CHD6: variants seen among roughly 807,000 people sequenced by gnomAD.
CHD6 encodes ATP-dependent chromatin remodeler CHD6.
CHD6 carries 50 observed loss-of-function variants against 276.9 expected under a neutral mutation model. The observed-to-expected ratio is 0.18, with a 90% CI of 0.14 to 0.23. The LOEUF is 0.23. Ranked by LOEUF, CHD6 falls within the 10% of genes least tolerant of loss-of-function variation. The pLI, the probability that CHD6 is intolerant of heterozygous loss-of-function variation, is 1.00. For missense variants in CHD6, 2,564 were observed against 3,365.8 expected (o/e 0.76, Z 5.89); for synonymous variants, 1,173 against 1,229.3 (o/e 0.95, Z 0.96).
chr20:41,466,748 C>T (rs2042929185), intron 17 of CHD6, among the ~76,000 whole-genome samples: 1 of 152,188 alleles, frequency 6.6e-6, no homozygotes, highest in Admixed American at 6.5e-5. Flanking sequence ...GCAGACACTG[C>T]TAATGGCCTT....
chr20:41,571,119 T>C lies in CHD6; in HGVS notation c.-23-19759A>G, dbSNP rs376675517. ...TACAGTGGGATTCCAAATCTCTTAG[T>C]GAAGAAAAAGAAGGTCTGGTGATTT... On this transcript the variant is annotated intron_variant, in intron 1 of 36. Transcript: ENST00000373233. Among the ~76,000 whole-genome samples, 4 of 152,058 alleles carry C rather than the reference T, an allele frequency of 2.6e-5. No individual in the cohort carries two copies. The East Asian group carries it at 5.8e-4, about 22-fold the overall frequency.
chr20:41,562,579 C>A (rs972277372), intron 1 of CHD6, among the ~76,000 whole-genome samples: 2 of 151,384 alleles, frequency 1.3e-5, no homozygotes, highest in African/African-American at 4.9e-5. Flanking sequence ...AGATCAACTT[C>A]GGTGAAAAAT....
chr20:41,435,634 G>C (rs1387019251), intron 27 of CHD6, among the ~76,000 whole-genome samples: 6 of 149,896 alleles, frequency 4.0e-5, no homozygotes, highest in Non-Finnish European at 7.4e-5. Context: ...TAAATGCAGA[G>C]GTATATACAG....
chr20:41,610,760 AAAATAAATAAATAAAT>A lies in CHD6; in HGVS notation c.-24+7564_-24+7579del, dbSNP rs5841413. Among the ~76,000 whole-genome samples, 234 of 147,328 alleles carry A rather than the reference AAAATAAATAAATAAAT, an allele frequency of 1.6e-3. 1 individual carries two copies. The highest frequency in any genetic ancestry group is 8.2e-4 in the Non-Finnish European group (55 of 66,786). ...GTGACAGAGTGAGACTCCGTCTCAA[AAAATAAATAAATAAAT>A]AAATAAATAAATAAATAAATAAAGT... On this transcript the variant is annotated intron_variant, in intron 1 of 36. Coordinates refer to ENST00000373233, the MANE Select transcript of CHD6 (RefSeq NM_032221.5).
chr20:41,520,105 T>C (rs2044352100), intron 3 of CHD6, among the ~76,000 whole-genome samples: 1 of 152,054 alleles, frequency 6.6e-6, no homozygotes, highest in African/African-American at 2.4e-5. Flanking sequence ...GAAACGCAAA[T>C]CAAAACCACA....
intron 27 of CHD6, among the ~76,000 whole-genome samples, chr20:41,435,098 CTAAATAA>C: frequency 6.6e-6 from 1 of 151,886 alleles, no homozygotes; most frequent in East Asian, 1.9e-4. Flanking sequence ...CACTTGGACA[CTAAATAA>C]TAAACACCTA....
chr20:41,484,698 T>G, intron 14 of CHD6, 91 bp from the exon 15 acceptor site: 2 of 1,364,640 alleles, frequency 1.5e-6, no homozygotes, highest in Non-Finnish European at 2.1e-6. Flanking sequence ...TTCTTGAACA[T>G]TTACCCATAG....
intron 3 of CHD6, among the ~76,000 whole-genome samples, chr20:41,528,427 A>C (rs915781511): frequency 6.6e-6 from 1 of 152,244 alleles, no homozygotes; most frequent in East Asian, 1.9e-4. Context: ...ATAAGGCACT[A>C]TAATTTTAAA....
intron 31 of CHD6, 53 bp from the exon 32 acceptor site, chr20:41,417,402 T>C: frequency 1.3e-6 from 2 of 1,493,156 alleles, no homozygotes; most frequent in East Asian, 2.3e-5. Flanking sequence ...AGTGAGATAC[T>C]AGTGATCTGA....
chr20:41,429,365 T>A (rs1165762341), intron 27 of CHD6, among the ~76,000 whole-genome samples: 1 of 152,348 alleles, frequency 6.6e-6, no homozygotes. Context: ...ACATCTGTAA[T>A]GATTTGCCAA....
At chr20:41,440,772 T>C (rs976414777) in intron 25 of CHD6, among the ~76,000 whole-genome samples, 3 of 152,208 alleles carry the variant, frequency 2.0e-5, no homozygotes, top group Admixed American at 2.0e-4. Context: ...ATAAAGTCCA[T>C]GTGTGAGGAT....
rs150707813 is a variant in CHD6 at position 41,433,484 on chromosome 20, AC to A, written c.4068+3789del. Among the ~76,000 whole-genome samples the A allele has an allele frequency of 1.4e-4, 21 of 152,220 alleles. No individual in the cohort carries two copies. In the East Asian group the frequency reaches 3.9e-3, roughly 28 times the overall value. ...AAGAGCTGAAAGAAAAAAACTATCA[AC>A]CCAGAATCCTCCATTTGGTGAAAAT... On this transcript the variant is annotated intron_variant, in intron 27 of 36. Transcript: ENST00000373233.
intron 5 of CHD6, among the ~76,000 whole-genome samples, chr20:41,511,239 T>TA (rs1178645875): frequency 1.8e-4 from 28 of 152,360 alleles, no homozygotes; most frequent in African/African-American, 6.5e-4. Context: ...GAACGACAGA[T>TA]ATTTGTGCTG....
rs751924324 is a variant in CHD6 at position 41,426,162 on chromosome 20, A to G, written c.4069-9T>C. The G allele has an allele frequency of 1.9e-6, 3 of 1,608,030 alleles. No homozygotes were observed. The highest frequency in any genetic ancestry group is 2.6e-6 in the Non-Finnish European group (3 of 1,174,392). On this transcript the variant is annotated splice_polypyrimidine_tract_variant and intron_variant, in intron 27 of 36. Transcript: ENST00000373233. ...CCATCACTGGAACTCTCCTAGGGAT[A>G]AATAAAGCCATCCCATCAGCAAAAC...
At chr20:41,451,160 C>T (rs376835856) in intron 22 of CHD6, 55 bp from the exon 23 acceptor site, 104 of 1,518,466 alleles carry the variant, frequency 6.8e-5, no homozygotes, top group Middle Eastern at 6.8e-4. Context: ...GTGTTACACA[C>T]GGGTTTTAGA....
intron 1 of CHD6, among the ~76,000 whole-genome samples, chr20:41,597,473 C>T (rs1207092531): frequency 6.6e-6 from 1 of 152,128 alleles, no homozygotes; most frequent in Non-Finnish European, 1.5e-5. Context: ...CTTGAATTCG[C>T]AGTTCACCAA....
chr20:41,608,710 T>C (rs2045854724), intron 1 of CHD6, among the ~76,000 whole-genome samples: 1 of 152,178 alleles, frequency 6.6e-6, no homozygotes, highest in Non-Finnish European at 1.5e-5. Context: ...AGAAGTACCT[T>C]CTAACTCTAC....
chr20:41,408,046 G>A (rs2046731468), intron 36 of CHD6, among the ~76,000 whole-genome samples: 1 of 151,538 alleles, frequency 6.6e-6, no homozygotes, highest in Non-Finnish European at 1.5e-5. Flanking sequence ...CTGTCCTTCA[G>A]TTTCCCAAGA....
At chr20:41,503,978 T>C (rs2043905364) in intron 5 of CHD6, among the ~76,000 whole-genome samples, 1 of 142,176 alleles carries the variant, frequency 7.0e-6, no homozygotes, top group African/African-American at 2.7e-5. Flanking sequence ...CTTGGGAGGC[T>C]GAGGAAAGAG....
Sources: gnomAD v4.1 joint callset for allele counts (sites outside exome capture counted in the v4.1 genomes callset) on GRCh38, gnomAD v4.1.1 for gene constraint, MANE v1.5 for transcripts, NCBI Gene and HGNC (gene_info 2026-07-23, HGNC 2026-07-21) for gene names.